The following OVOL1 variants were observed in gnomAD, a reference collection of about 807,000 sequenced individuals.
The protein encoded by OVOL1 is putative transcription factor Ovo-like 1.
In OVOL1, 10 loss-of-function variants were observed where a neutral mutation model predicts 21.5. The observed-to-expected ratio is 0.46, with a 90% CI of 0.29 to 0.79. The LOEUF (loss-of-function observed/expected upper bound fraction) is 0.79. OVOL1 is among the 30% of genes least tolerant of loss of function. The probability of loss-of-function intolerance (pLI) is 0.10; values close to 1 mark genes in which losing one functional copy is unlikely to be tolerated. For missense variants in OVOL1, 279 were observed against 362.3 expected, an observed-to-expected ratio of 0.77 and a Z score of 1.87; for synonymous variants, 129 against 150.3, an observed-to-expected ratio of 0.86 and a Z score of 1.03.
chr11:65,792,393 T>C (rs983285004), intron 1 of OVOL1: 1 of 152,248 alleles, frequency 6.6e-6, no homozygotes, highest in African/African-American at 2.4e-5. Flanking sequence ...TCCACCTGGA[T>C]TGAGAAATGA....
chr11:65,793,333 G>C (rs751046215), intron 1 of OVOL1, among the ~76,000 whole-genome samples: 33 of 152,210 alleles, frequency 2.2e-4, no homozygotes, highest in Non-Finnish European at 4.0e-4. Context: ...GACATGCCCC[G>C]GCGAGCGGTC....
chr11:65,794,622 C>A lies in OVOL1; in HGVS notation c.403C>A (p.Arg135Ser). Residue 135 changes from arginine (R) to serine (S), a missense_variant, in exon 3 of 4, where the codon CGC (arginine) becomes AGC (serine). Arg to Ser is a moderately radical substitution (Grantham distance 110). Coordinates refer to ENST00000335987, the MANE Select transcript of OVOL1 (RefSeq NM_004561.4). Reference protein sequence around the residue: ...KAFTYQRMLNRHMKCHNDVKR... With the variant: ...KAFTYQRMLNSHMKCHNDVKR... ...CTTCACCTACCAGCGCATGCTGAAC[C>A]GCCACATGAAGTGTCACAACGACGT... 2 of 1,613,684 alleles carry A rather than the reference C, an allele frequency of 1.2e-6. No homozygotes were observed. Among genetic ancestry groups the A allele is most frequent in the Non-Finnish European group, 1.7e-6 (2 of 1,179,986 alleles).
chr11:65,794,754 A>G (rs745985332), intron 3 of OVOL1, 27 bp downstream of exon 3: 8 of 1,604,342 alleles, frequency 5.0e-6, no homozygotes, highest in Non-Finnish European at 6.0e-6. Context: ...GGCTGGGAGG[A>G]GCACGCCGGA....
intron 2 of OVOL1, 109 bp from the exon 3 acceptor site, chr11:65,794,429 G>A: frequency 2.5e-6 from 3 of 1,191,060 alleles, no homozygotes; most frequent in Non-Finnish European, 3.6e-6. Flanking sequence ...TGGGAGGTGG[G>A]CACCACCCTC....
chr11:65,795,176 C>T lies in OVOL1; in HGVS notation c.639C>T (p.Tyr213=), dbSNP rs1205584313. 8.1e-6 allele frequency: 13 copies of T among 1,612,938 alleles called. No individual in the cohort carries two copies. The highest frequency in any genetic ancestry group is 2.2e-5 in the East Asian group (1 of 44,888). The part of the protein sequence containing the change: ...YAYKERRAKL[Y]VCEECGCTSE... The stretch of plus-strand genomic sequence containing the variant: ...ACAAGGAGCGGCGGGCCAAGCTGTA[C>T]GTGTGTGAGGAGTGCGGCTGCACAT... The change falls in exon 4 of 4, where the codon TAC becomes TAT. Residue 213 remains tyrosine, a synonymous_variant. Transcript: ENST00000335987. This position sits in a 1 kb window ranked among gnomAD's most constrained non-coding sequence, Gnocchi z 5.7.
At chr11:65,787,911 C>T (rs1014937186) in intron 1 of OVOL1, among the ~76,000 whole-genome samples, 1 of 152,182 alleles carries the variant, frequency 6.6e-6, no homozygotes, top group Non-Finnish European at 1.5e-5. Flanking sequence ...GAGTTTCGGC[C>T]GAGATTTGTG....
At position 65,787,327 on chromosome 11, in the gene OVOL1, G is replaced by C. The variant is rs781134378; in HGVS notation, c.-47G>C. 9 of 1,484,516 alleles carry C rather than the reference G, an allele frequency of 6.1e-6. No homozygotes were observed. In the East Asian group the frequency reaches 2.0e-4, roughly 34 times the overall value. The allele number at this position is 1,484,516 out of a possible 1,614,324, so 92.0% of individuals were successfully genotyped here. On this transcript the variant is annotated 5_prime_UTR_variant, in exon 1 of 4. Coordinates refer to ENST00000335987, the MANE Select transcript of OVOL1 (RefSeq NM_004561.4). The stretch of plus-strand genomic sequence containing the variant: ...GCCCCGCAAAGGTGGGACGGCTCCC[G>C]GCTTCAGTTACGGAAGCGGCCCGTG...
chr11:65,793,088 T>A (rs934112578), intron 1 of OVOL1, among the ~76,000 whole-genome samples: 2 of 152,230 alleles, frequency 1.3e-5, no homozygotes, highest in Non-Finnish European at 2.9e-5. Flanking sequence ...GAGCTCAGGC[T>A]CTTTGGAAGA....
At chr11:65,790,218 C>A (rs1565229511) in intron 1 of OVOL1, 1 of 151,724 alleles carries the variant, frequency 6.6e-6, no homozygotes, top group Non-Finnish European at 1.5e-5. Context: ...AAGCTGGTTC[C>A]CCCGAGCCCC....
intron 1 of OVOL1, chr11:65,788,355 C>G (rs1857945100): frequency 9.7e-6 from 5 of 516,566 alleles, no homozygotes; most frequent in Non-Finnish European, 1.2e-5. Context: ...CCCTTCTGTC[C>G]TCCCCCACCC....
In OVOL1 at chr11:65,795,326, C is replaced by A; in HGVS notation, c.789C>A (p.Gly263=). 6.2e-7 allele frequency: 1 copy of A among 1,602,654 alleles called. No individual in the cohort carries two copies. The highest frequency in any genetic ancestry group is 8.5e-7 in the Non-Finnish European group (1 of 1,175,846). The change falls in exon 4 of 4, where the codon GGC becomes GGA. Residue 263 remains glycine, a synonymous_variant. Coordinates refer to ENST00000335987, the MANE Select transcript of OVOL1 (RefSeq NM_004561.4). The surrounding 1 kb of genome is among the most constrained non-coding windows in gnomAD (Gnocchi z 5.7). ...LQNTVTSLLQ[G]SPHL is the part of the protein sequence containing the mutation. ...ACACTGTCACTTCCCTGCTGCAGGG[C>A]AGCCCCCACCTGTGAGTGGCTCGAG...
chr11:65,788,944 G>C, intron 1 of OVOL1: 2 of 986,490 alleles, frequency 2.0e-6, no homozygotes, highest in Non-Finnish European at 2.4e-6. Flanking sequence ...GGCACGCAGA[G>C]GGCCAGAGCC....
At chr11:65,788,794 G>A in intron 1 of OVOL1, 1 of 985,476 alleles carries the variant, frequency 1.0e-6, no homozygotes, top group Non-Finnish European at 1.2e-6. Context: ...ACCCCAGTGG[G>A]GAAACTGAGG....
At chr11:65,792,802 A>G (rs1858048488) in intron 1 of OVOL1, among the ~76,000 whole-genome samples, 1 of 152,206 alleles carries the variant, frequency 6.6e-6, no homozygotes, top group South Asian at 2.1e-4. Context: ...CAGCACTGTC[A>G]AACGCACCCT....
At position 65,795,047 on chromosome 11, in the gene OVOL1, C is replaced by A. The variant is rs142370799; in HGVS notation, c.510C>A (p.Gly170=). Residue 170 remains glycine (G), a splice_region_variant and synonymous_variant, in exon 4 of 4, where the codon GGC becomes GGA. Transcript: ENST00000335987. The surrounding 1 kb of genome is among the most constrained non-coding windows in gnomAD (Gnocchi z 5.7). ...TGCTGGCCCCTGTCCTCCCCACAGG[C>A]GTGCGGCCCTACAAGTGCAGCCTGT... is the stretch of plus-strand genomic sequence containing the variant. The part of the protein sequence containing the change: ...DLKRHVRTHT[G]VRPYKCSLCD... The A allele has an allele frequency of 6.2e-7, 1 of 1,611,860 alleles. No individual in the cohort carries two copies. The highest frequency in any genetic ancestry group is 1.3e-5 in the African/African-American group (1 of 75,036).
intron 1 of OVOL1, among the ~76,000 whole-genome samples, chr11:65,791,675 A>G (rs1210459108): frequency 6.6e-6 from 1 of 152,108 alleles, no homozygotes; most frequent in Non-Finnish European, 1.5e-5. Context: ...GGCCCTCAAC[A>G]TTGTCCAGGT....
In OVOL1 at chr11:65,794,074, A is replaced by G; in HGVS notation, c.144A>G (p.Glu48=). The part of the protein sequence containing the change: ...FCPPQPYREP[E]PSVAEPPSCP... ...CACCACAGCCCTACCGGGAGCCGGA[A>G]CCCTCTGTGGCCGAACCCCCTTCCT... Residue 48 remains glutamate (E), a synonymous_variant, in exon 2 of 4, where the codon GAA becomes GAG. Coordinates refer to ENST00000335987, the MANE Select transcript of OVOL1 (RefSeq NM_004561.4). The G allele has an allele frequency of 6.2e-7, 1 of 1,613,896 alleles. No homozygotes were observed. Among genetic ancestry groups the G allele is most frequent in the Non-Finnish European group, 8.5e-7 (1 of 1,179,982 alleles).
Position 65,787,369 on chromosome 11 carries a change from C to T in OVOL1, c.-5C>T, listed in dbSNP as rs187771610. On this transcript the variant is annotated 5_prime_UTR_variant, in exon 1 of 4. Coordinates refer to ENST00000335987, the MANE Select transcript of OVOL1 (RefSeq NM_004561.4). ...CGGCCCGTGTCCAGCGACGAGGGTT[C>T]GAAAATGCCCCGCGCGTTCCTGGTG... 4.7e-3 allele frequency: 7,370 copies of T among 1,577,550 alleles called. 105 individuals are homozygous for T. The highest frequency in any genetic ancestry group is 0.042 in the East Asian group (1,780 of 42,216).
In OVOL1 at chr11:65,789,773, C is replaced by T. The variant is rs1170355987; in HGVS notation, c.100+2300C>T. 4 of 900,912 alleles carry T rather than the reference C, an allele frequency of 4.4e-6. No individual in the cohort carries two copies. The African/African-American group carries it at 7.2e-5, about 16-fold the overall frequency. The allele number at this position is 900,912 out of a possible 1,614,324, so 55.8% of individuals were successfully genotyped here. A position where few individuals can be genotyped will look rare whatever the true frequency, so the allele number is the denominator to read the frequency against. On this transcript the variant is annotated intron_variant, in intron 1 of 3. Coordinates refer to ENST00000335987, the MANE Select transcript of OVOL1 (RefSeq NM_004561.4). Reference sequence around the variant, plus strand: ...GTGGGAGTGTTTGAGTTCTGACCTTCCTGCCAGGTTCCTCTGAGACCCTCA... The same window carrying T: ...GTGGGAGTGTTTGAGTTCTGACCTTTCTGCCAGGTTCCTCTGAGACCCTCA...
Sources: gnomAD v4.1 joint callset for allele counts (sites outside exome capture counted in the v4.1 genomes callset) on GRCh38, gnomAD v4.1.1 for gene constraint, Gnocchi (gnomAD v3.1) non-coding constraint, MANE v1.5 for transcripts, NCBI Gene and HGNC (gene_info 2026-07-23, HGNC 2026-07-21) for gene names.